INTS8: variants seen among roughly 807,000 people sequenced by gnomAD.
INTS8 encodes the protein protein kaonashi-1.
Under a neutral mutation model 138.9 loss-of-function variants are expected in INTS8, and 47 were observed. The ratio of observed to expected loss-of-function variants is 0.34; its 90% confidence interval spans 0.27 to 0.43. The LOEUF (loss-of-function observed/expected upper bound fraction) is 0.43, where lower values mean the gene tolerates loss of function less well. Among genes scored for constraint, INTS8 ranks in the 20% least tolerant of loss-of-function variants. INTS8 has a pLI of 1.00. For synonymous variants in INTS8, 392 were observed against 400.9 expected, an observed-to-expected ratio of 0.98 and a Z score of 0.27; for missense variants, 996 against 1,173.0, an observed-to-expected ratio of 0.85 and a Z score of 2.20.
At chr8:94,836,839 C>T (rs1207186817) in intron 7 of INTS8, among the ~76,000 whole-genome samples, 1 of 147,106 alleles carries the variant, frequency 6.8e-6, no homozygotes, top group African/African-American at 2.5e-5. Context: ...TTTCTTCCAG[C>T]TTTTTTCTCT....
intron 26 of INTS8, 53 bp from the exon 27 acceptor site, chr8:94,880,065 C>A: frequency 7.8e-7 from 1 of 1,289,430 alleles, no homozygotes; most frequent in Non-Finnish European, 1.1e-6. Flanking sequence ...CTTGTACCAA[C>A]AAAACTTAAT....
chr8:94,827,473 A>T, intron 3 of INTS8, 70 bp downstream of exon 3: 1 of 1,512,538 alleles, frequency 6.6e-7, no homozygotes, highest in Non-Finnish European at 9.1e-7. Context: ...TTTCAAGGAT[A>T]TTCTTTTAAT....
chr8:94,869,264 G>C (rs374241030), intron 20 of INTS8, among the ~76,000 whole-genome samples: 1 of 151,804 alleles, frequency 6.6e-6, no homozygotes, highest in African/African-American at 2.4e-5. Context: ...TAACAGGCGT[G>C]AGCCACCACG....
chr8:94,863,726 T>G (rs1031292605), intron 16 of INTS8, among the ~76,000 whole-genome samples: 3 of 152,238 alleles, frequency 2.0e-5, no homozygotes, highest in Non-Finnish European at 4.4e-5. Context: ...ATGTAATAAA[T>G]TCAGTGACCT....
At chr8:94,824,504 A>C (rs1446473841) in intron 1 of INTS8, among the ~76,000 whole-genome samples, 1 of 152,164 alleles carries the variant, frequency 6.6e-6, no homozygotes, top group Admixed American at 6.6e-5. Flanking sequence ...CACTTGATGG[A>C]GGTCCCCCTA....
chr8:94,860,895 A>T lies in INTS8; in HGVS notation c.2076+1263A>T, dbSNP rs536389326. Among the ~76,000 whole-genome samples, 713 of 151,682 alleles carry T rather than the reference A, an allele frequency of 4.7e-3. 9 individuals are homozygous for T. Among genetic ancestry groups the T allele is most frequent in the African/African-American group, 0.017 (687 of 41,376 alleles). On this transcript the variant is annotated intron_variant, in intron 16 of 26. Coordinates refer to ENST00000523731, the MANE Select transcript of INTS8 (RefSeq NM_017864.4). ...AAGGTGAAACCCCGTCCTTACTAAAAATACAAAAAAAATTAGCCGGGCGTA... is the reference window on the plus strand; with the variant it reads ...AAGGTGAAACCCCGTCCTTACTAAATATACAAAAAAAATTAGCCGGGCGTA...
chr8:94,868,020 T>G (rs1377651768), intron 20 of INTS8, among the ~76,000 whole-genome samples: 1 of 152,348 alleles, frequency 6.6e-6, no homozygotes, highest in East Asian at 1.9e-4. Context: ...ATGTCTCATC[T>G]AATGCTGCAG....
chr8:94,857,450 GAAAAATGAAGGAAACTGTTC>G (rs1255277783), intron 15 of INTS8, among the ~76,000 whole-genome samples: 1 of 152,096 alleles, frequency 6.6e-6, no homozygotes, highest in Non-Finnish European at 1.5e-5. Flanking sequence ...AGAACATTGG[GAAAAATGAAGGAAACTGTTC>G]ATTTCTGGGA....
chr8:94,865,485 A>G (rs201140602), intron 16 of INTS8, 21 bp from the exon 17 acceptor site: 20 of 1,598,408 alleles, frequency 1.3e-5, no homozygotes, highest in South Asian at 3.3e-5. Flanking sequence ...TCTTTTGTGT[A>G]TTTTGTTTTT....
At chr8:94,823,957 G>T (rs934712784) in intron 1 of INTS8, among the ~76,000 whole-genome samples, 3 of 152,146 alleles carry the variant, frequency 2.0e-5, no homozygotes, top group Non-Finnish European at 2.9e-5. Flanking sequence ...CAGCTGTTGG[G>T]TGTTGATCGT....
At position 94,874,562 on chromosome 8, in the gene INTS8, G is replaced by A. The variant is rs1417769707; in HGVS notation, c.2648G>A (p.Arg883Gln). Reference protein sequence around the residue: ...PDVYTDQVIKRMIKCCSLLNC... With the variant: ...PDVYTDQVIKQMIKCCSLLNC... ...ATTTTGCTTTTGTAGGTAATAAAAC[G>A]AATGATAAAATGTTGTTCTTTGCTG... is the stretch of plus-strand genomic sequence containing the variant. Residue 883 changes from arginine to glutamine, a missense_variant, in exon 23 of 27, where the codon CGA becomes CAA. Arg to Gln is a conservative substitution (Grantham distance 43, BLOSUM62 1). Transcript: ENST00000523731. The A allele has an allele frequency of 4.4e-6, 7 of 1,575,950 alleles. No homozygotes were observed. Among genetic ancestry groups the A allele is most frequent in the Non-Finnish European group, 6.1e-6 (7 of 1,146,536 alleles).
At position 94,863,280 on chromosome 8, in the gene INTS8, C is replaced by T. The variant is rs539335692; in HGVS notation, c.2077-2226C>T. 9.2e-5 allele frequency among the ~76,000 whole-genome samples: 14 copies of T among 152,336 alleles called. No individual in the cohort carries two copies. The South Asian group carries it at 2.9e-3, about 32-fold the overall frequency. ...CTCCTCCAGGTGCAGTTCCCCTGCC[C>T]CTTGGCGTTCCAGCCCTGTGCTGGC... On this transcript the variant is annotated intron_variant, in intron 16 of 26. Transcript: ENST00000523731.
chr8:94,848,378 G>A (rs1009888867), intron 10 of INTS8, among the ~76,000 whole-genome samples: 3 of 152,108 alleles, frequency 2.0e-5, no homozygotes, highest in Non-Finnish European at 2.9e-5. Flanking sequence ...CATTTAAAGT[G>A]TATAAGTCAG....
chr8:94,857,007 A>G (rs865789712), intron 15 of INTS8, 29 bp downstream of exon 15: 2 of 1,532,160 alleles, frequency 1.3e-6, no homozygotes, highest in Middle Eastern at 1.7e-4. Context: ...GACAAATTTC[A>G]GAAACTCAGT....
At chr8:94,850,333 C>T (rs938225329) in intron 12 of INTS8, among the ~76,000 whole-genome samples, 2 of 152,182 alleles carry the variant, frequency 1.3e-5, no homozygotes, top group East Asian at 3.8e-4. Context: ...CTGGGGAAGG[C>T]TGGGCGTGGT....
In INTS8 at chr8:94,879,991, C is replaced by T. The variant is rs1036092715; in HGVS notation, c.2872-127C>T. The stretch of plus-strand genomic sequence containing the variant: ...TTTTTTCCAAGACTCCTGGGTTTTA[C>T]AGTTAAGAGGTTCAGTTAATCATTA... On this transcript the variant is annotated intron_variant, in intron 26 of 26. Coordinates refer to ENST00000523731, the MANE Select transcript of INTS8 (RefSeq NM_017864.4). 12 of 635,410 alleles carry T rather than the reference C, an allele frequency of 1.9e-5. No individual in the cohort carries two copies. The African/African-American group carries it at 2.1e-4, about 11-fold the overall frequency. 39.4% of individuals were successfully genotyped at this position (635,410 alleles called of 1,614,324 possible). A position where few individuals can be genotyped will look rare whatever the true frequency, so the allele number is the denominator to read the frequency against.
At position 94,825,011 on chromosome 8, in the gene INTS8, A is replaced by G. The variant is rs373125263; in HGVS notation, c.249A>G (p.Leu83=). ...PDNKRNRILK[L]LALKVAAHLK... ...ACAAGAGAAATCGTATTTTAAAACT[A>G]CTTGCTCTTAAAGTTGCTGCACATT... is the stretch of plus-strand genomic sequence containing the variant. Residue 83 remains leucine (L), a synonymous_variant, in exon 2 of 27, where the codon CTA becomes CTG. Coordinates refer to ENST00000523731, the MANE Select transcript of INTS8 (RefSeq NM_017864.4). 5 of 1,611,910 alleles carry G rather than the reference A, an allele frequency of 3.1e-6. No individual in the cohort carries two copies. In the African/African-American group the frequency reaches 5.3e-5, roughly 17 times the overall value.
intron 6 of INTS8, among the ~76,000 whole-genome samples, chr8:94,835,849 C>T (rs947506935): frequency 5.9e-5 from 9 of 152,160 alleles, no homozygotes; most frequent in African/African-American, 2.2e-4. Context: ...CCACCCGCCT[C>T]GGCCTCCCAA....
intron 16 of INTS8, among the ~76,000 whole-genome samples, chr8:94,862,800 A>G (rs1816040116): frequency 6.6e-6 from 1 of 152,064 alleles, no homozygotes; most frequent in African/African-American, 2.4e-5. Context: ...TTGTGTTTTG[A>G]AAAAAATACA....
Sources: gnomAD v4.1 joint callset for allele counts (sites outside exome capture counted in the v4.1 genomes callset) on GRCh38, gnomAD v4.1.1 for gene constraint, MANE v1.5 for transcripts, NCBI Gene and HGNC (gene_info 2026-07-23, HGNC 2026-07-21) for gene names.